MEDAG: variants seen among roughly 807,000 people sequenced by gnomAD.
MEDAG encodes the protein mesenteric estrogen-dependent adipogenesis protein.
MEDAG carries 25 observed loss-of-function variants against 29.9 expected under a neutral mutation model. The ratio of observed to expected loss-of-function variants is 0.84; its 90% CI spans 0.61 to 1.17. The LOEUF is 1.17. Ranked by LOEUF, MEDAG falls within the 50% of genes most tolerant of loss-of-function variation. MEDAG has a pLI of 0.00. For missense variants in MEDAG, 398 were observed against 372.9 expected (o/e 1.07, Z -0.56); for synonymous variants, 158 against 148.2 (o/e 1.07, Z -0.48).
At chr13:30,918,313 T>C (rs1270936085) in intron 2 of MEDAG, among the ~76,000 whole-genome samples, 2 of 152,226 alleles carry the variant, frequency 1.3e-5, no homozygotes, top group African/African-American at 4.8e-5. Context: ...ACATCATTAC[T>C]ATCAATAATT....
At chr13:30,914,492 A>G (rs1477794295) in intron 1 of MEDAG, among the ~76,000 whole-genome samples, 1 of 152,232 alleles carries the variant, frequency 6.6e-6, no homozygotes, top group Non-Finnish European at 1.5e-5. Flanking sequence ...GTACCCCTGA[A>G]TCATCAAAGG....
At chr13:30,913,258 C>A (rs1052773653) in intron 1 of MEDAG, among the ~76,000 whole-genome samples, 1 of 152,198 alleles carries the variant, frequency 6.6e-6, no homozygotes, top group African/African-American at 2.4e-5. Context: ...CTCTGTCACC[C>A]AGGCTGGAGT....
In MEDAG at chr13:30,906,468, T is replaced by A; in HGVS notation, c.-48T>A. 1 of 1,426,706 alleles carries A rather than the reference T, an allele frequency of 7.0e-7. No homozygotes were observed. The highest frequency in any genetic ancestry group is 9.1e-7 in the Non-Finnish European group (1 of 1,096,322). 88.4% of individuals were successfully genotyped at this position (1,426,706 alleles called of 1,614,324 possible). On this transcript the variant is annotated 5_prime_UTR_variant, in exon 1 of 5. Transcript: ENST00000380482. ...GGACCATCAGGTGCCGGCTGGGGGC[T>A]GTAGGCACCGGACGGAAGCAGGCGG...
chr13:30,909,375 C>T (rs1273379696), intron 1 of MEDAG, among the ~76,000 whole-genome samples: 1 of 151,978 alleles, frequency 6.6e-6, no homozygotes, highest in Non-Finnish European at 1.5e-5. Flanking sequence ...TATTTTTGAC[C>T]CTTAATGGGT....
rs546692775 is a variant in MEDAG at position 30,910,275 on chromosome 13, G to C, written c.278+3482G>C. 1.2e-4 allele frequency among the ~76,000 whole-genome samples: 18 copies of C among 151,920 alleles called. No individual in the cohort carries two copies. The South Asian group carries it at 3.5e-3, about 30-fold the overall frequency. ...AATATAATGGCAAACGTTTGGCAAA[G>C]AAGACCTGGAGTCCCTTCTTTTTGG... On this transcript the variant is annotated intron_variant, in intron 1 of 4. Coordinates refer to ENST00000380482, the MANE Select transcript of MEDAG (RefSeq NM_032849.4).
chr13:30,906,464 G>A lies in MEDAG; in HGVS notation c.-52G>A, dbSNP rs1952829491. 6 of 1,422,188 alleles carry A rather than the reference G, an allele frequency of 4.2e-6. No homozygotes were observed. Among genetic ancestry groups the A allele is most frequent in the Non-Finnish European group, 3.7e-6 (4 of 1,093,876 alleles). The allele number at this position is 1,422,188 out of a possible 1,614,324, so 88.1% of individuals were successfully genotyped here. A position where few individuals can be genotyped will look rare whatever the true frequency, so the allele number is the denominator to read the frequency against. ...CTGGGGACCATCAGGTGCCGGCTGG[G>A]GGCTGTAGGCACCGGACGGAAGCAG... On this transcript the variant is annotated 5_prime_UTR_variant, in exon 1 of 5. Transcript: ENST00000380482.
At chr13:30,920,600 A>AG (rs1406649689) in intron 2 of MEDAG, among the ~76,000 whole-genome samples, 1 of 152,090 alleles carries the variant, frequency 6.6e-6, no homozygotes, top group African/African-American at 2.4e-5. Flanking sequence ...TAAAAAAAAA[A>AG]AAGAAGAAGA....
intron 2 of MEDAG, among the ~76,000 whole-genome samples, chr13:30,919,613 G>A (rs1258493874): frequency 6.6e-6 from 1 of 152,192 alleles, no homozygotes; most frequent in Non-Finnish European, 1.5e-5. Flanking sequence ...TTTGGAGAAA[G>A]AAAAACATGG....
chr13:30,915,382 C>T (rs1284348389), intron 1 of MEDAG, among the ~76,000 whole-genome samples: 3 of 152,204 alleles, frequency 2.0e-5, no homozygotes, highest in African/African-American at 7.2e-5. Flanking sequence ...GGGCGCCCTG[C>T]ACTGCCTCCG....
Position 30,921,848 on chromosome 13 carries a change from T to C in MEDAG, c.787+2T>C, listed in dbSNP as rs1434012315. The C allele has an allele frequency of 6.3e-7, 1 of 1,587,092 alleles. No homozygotes were observed. Among genetic ancestry groups the C allele is most frequent in the African/African-American group, 1.4e-5 (1 of 73,098 alleles). ...GAAAGTTCAGTGTAACTTCCAGAGG[T>C]ATGTTAAAAATTCCGAAGGATATGT... is the stretch of plus-strand genomic sequence containing the variant. On this transcript the variant is annotated splice_donor_variant, in intron 4 of 4. Coordinates refer to ENST00000380482, the MANE Select transcript of MEDAG (RefSeq NM_032849.4). LOFTEE classifies it high-confidence loss of function.
At chr13:30,913,215 G>C (rs980789200) in intron 1 of MEDAG, among the ~76,000 whole-genome samples, 4 of 152,008 alleles carry the variant, frequency 2.6e-5, no homozygotes, top group African/African-American at 9.7e-5. Context: ...GGTTGCTTTG[G>C]GTTGTTTGTT....
At position 30,921,543 on chromosome 13, in the gene MEDAG, T is replaced by C; in HGVS notation, c.502-18T>C. 1 of 1,584,448 alleles carries C rather than the reference T, an allele frequency of 6.3e-7. No homozygotes were observed. Among genetic ancestry groups the C allele is most frequent in the Non-Finnish European group, 8.6e-7 (1 of 1,168,570 alleles). ...ACTTATGTCCATTAAGTCAATGCAATGTTCCTCTCTCTTTCAGTTTGATTT... is the reference window on the plus strand; with the variant it reads ...ACTTATGTCCATTAAGTCAATGCAACGTTCCTCTCTCTTTCAGTTTGATTT... On this transcript the variant is annotated intron_variant, in intron 3 of 4. Transcript: ENST00000380482.
chr13:30,921,867 G>T, intron 4 of MEDAG, 21 bp downstream of exon 4: 2 of 1,575,594 alleles, frequency 1.3e-6, no homozygotes. Context: ...AATTCCGAAG[G>T]ATATGTGGAA....
intron 1 of MEDAG, 70 bp from the exon 2 acceptor site, chr13:30,917,333 C>T: frequency 1.1e-6 from 1 of 924,688 alleles, no homozygotes; most frequent in East Asian, 2.4e-5. Context: ...AGATACCTGT[C>T]CAGTACATCC....
intron 1 of MEDAG, among the ~76,000 whole-genome samples, chr13:30,914,082 T>G (rs377586275): frequency 6.6e-6 from 1 of 152,074 alleles, no homozygotes; most frequent in African/African-American, 2.4e-5. Flanking sequence ...GAAGATCAAA[T>G]AACTAGTCCC....
chr13:30,911,451 TG>T (rs1217262666), intron 1 of MEDAG, among the ~76,000 whole-genome samples: 3 of 152,112 alleles, frequency 2.0e-5, no homozygotes, highest in African/African-American at 7.2e-5. Flanking sequence ...CCTACCTGCC[TG>T]CCTGCCTGCG....
chr13:30,924,221 ATAGT>A (rs755026596), intron 4 of MEDAG, 86 bp from the exon 5 acceptor site: 24 of 1,312,516 alleles, frequency 1.8e-5, no homozygotes, highest in South Asian at 7.5e-5. Context: ...AATTATTAAA[ATAGT>A]TAGGTTGCAT....
In MEDAG at chr13:30,906,305, G is replaced by C. The variant is rs550433430; in HGVS notation, c.-211G>C. 1.5e-4 allele frequency: 62 copies of C among 421,170 alleles called. No homozygotes were observed. Among genetic ancestry groups the C allele is most frequent in the African/African-American group, 1.2e-3 (58 of 48,546 alleles). The allele number at this position is 421,170 out of a possible 1,614,324, so 26.1% of individuals were successfully genotyped here. ...GCGCGGTGCCTGCAGGGCTCCCAGC[G>C]AGTGGCAGCTTGGGAGGGGCCGCCC... On this transcript the variant is annotated 5_prime_UTR_variant, in exon 1 of 5. Transcript: ENST00000380482.
chr13:30,911,216 T>C (rs567210256), intron 1 of MEDAG, among the ~76,000 whole-genome samples: 27 of 152,320 alleles, frequency 1.8e-4, no homozygotes, highest in African/African-American at 6.0e-4. Flanking sequence ...TAGCCACTCA[T>C]GGGGTGCCTT....
Sources: gnomAD v4.1 joint callset for allele counts (sites outside exome capture counted in the v4.1 genomes callset) on GRCh38, gnomAD v4.1.1 for gene constraint, MANE v1.5 for transcripts, NCBI Gene and HGNC (gene_info 2026-07-23, HGNC 2026-07-21) for gene names.